CUEDC2: variants seen among roughly 807,000 people sequenced by gnomAD.
CUEDC2 encodes CUE domain-containing protein 2.
In CUEDC2, 10 loss-of-function variants were observed where a neutral mutation model predicts 36.0. The ratio of observed to expected loss-of-function variants is 0.28; its 90% CI spans 0.17 to 0.47. The LOEUF (loss-of-function observed/expected upper bound fraction) is 0.47. Ranked by LOEUF, CUEDC2 falls within the 20% of genes least tolerant of loss-of-function variation. CUEDC2 has a pLI of 0.99. For missense variants in CUEDC2, 269 were observed against 368.1 expected, an observed-to-expected ratio of 0.73 and a Z score of 2.20; for synonymous variants, 133 against 141.8, an observed-to-expected ratio of 0.94 and a Z score of 0.44.
rs769481024 is a variant in CUEDC2, at chr10:102,424,034, T to C, written c.556A>G (p.Lys186Glu). 2 of 1,613,966 alleles carry C rather than the reference T, an allele frequency of 1.2e-6. No individual in the cohort carries two copies. The highest frequency in any genetic ancestry group is 2.7e-5 in the African/African-American group (2 of 74,924). ...TCCCAGGCTGCAGGCCCCTCTTCCT[T>C]TCCCTCTACCAGCATCTGCACAGCT... is the stretch of plus-strand genomic sequence containing the variant. ...EEAVQMLVEGKEEGPAAWEGP... is the reference protein window; with the variant it reads ...EEAVQMLVEGEEEGPAAWEGP... The change falls in exon 6 of 9, where the codon AAG becomes GAG. Residue 186 changes from lysine (K) to glutamate (E), a missense_variant. Coordinates refer to ENST00000369937, the MANE Select transcript of CUEDC2 (RefSeq NM_024040.3). This position sits in a 1 kb window ranked among gnomAD's most constrained non-coding sequence, Gnocchi z 4.2.
chr10:102,430,229 C>T (rs1019209421), intron 1 of CUEDC2, among the ~76,000 whole-genome samples: 5 of 149,864 alleles, frequency 3.3e-5, no homozygotes, highest in Non-Finnish European at 7.4e-5. Flanking sequence ...AGTGCAATGG[C>T]GCGATCTTGG....
rs1328239910 is a variant in CUEDC2, at chr10:102,424,279, T to TGCA, written c.393_395dup (p.Ala132dup). The TGCA allele has an allele frequency of 6.2e-7, 1 of 1,613,698 alleles. No homozygotes were observed. The highest frequency in any genetic ancestry group is 1.3e-5 in the African/African-American group (1 of 74,900). On this transcript the variant is annotated inframe_insertion, in exon 5 of 9. Coordinates refer to ENST00000369937, the MANE Select transcript of CUEDC2 (RefSeq NM_024040.3). The surrounding 1 kb of genome is among the most constrained non-coding windows in gnomAD (Gnocchi z 4.2). Reference sequence around the variant, plus strand: ...CTACCAGTACCTCATCTTGGGTGTCTGCAGCAGCAGCAGCCGAAGACCTAG... The same window carrying TGCA: ...CTACCAGTACCTCATCTTGGGTGTCTGCAGCAGCAGCAGCAGCCGAAGACCTAG...
chr10:102,430,782 TG>T (rs1373706849), intron 1 of CUEDC2, among the ~76,000 whole-genome samples: 2 of 152,184 alleles, frequency 1.3e-5, no homozygotes, highest in African/African-American at 4.8e-5. Context: ...GCCCCTGAGT[TG>T]GGGAAGATCT....
chr10:102,424,620 TCCTC>T lies in CUEDC2; in HGVS notation c.218+25_218+28del. 1.2e-6 allele frequency: 2 copies of T among 1,614,068 alleles called. No homozygotes were observed. The stretch of plus-strand genomic sequence containing the variant: ...CCCACCCCATAATCAGCCAGCCCCT[TCCTC>T]CTCCTGGCCCTAGCCAGAACCTACC... On this transcript the variant is annotated intron_variant, in intron 3 of 8. Coordinates refer to ENST00000369937, the MANE Select transcript of CUEDC2 (RefSeq NM_024040.3). This position sits in a 1 kb window ranked among gnomAD's most constrained non-coding sequence, Gnocchi z 4.2.
intron 1 of CUEDC2, among the ~76,000 whole-genome samples, chr10:102,426,668 G>A (rs1030449471): frequency 6.6e-6 from 1 of 151,934 alleles, no homozygotes; most frequent in African/African-American, 2.4e-5. Flanking sequence ...GTCTGGCTCT[G>A]TCACCCAGGC....
chr10:102,432,080 C>A (rs2061618598), intron 1 of CUEDC2, among the ~76,000 whole-genome samples: 1 of 152,112 alleles, frequency 6.6e-6, no homozygotes, highest in Non-Finnish European at 1.5e-5. Context: ...GGCCCTGGAC[C>A]CATAACGCAG....
intron 1 of CUEDC2, among the ~76,000 whole-genome samples, chr10:102,429,652 C>G (rs1257864247): frequency 7.2e-6 from 1 of 138,688 alleles, no homozygotes; most frequent in African/African-American, 2.7e-5. Flanking sequence ...CAGAATGGCT[C>G]AGCCCAGGCA....
At chr10:102,431,977 G>A (rs563869491) in intron 1 of CUEDC2, among the ~76,000 whole-genome samples, 1 of 152,260 alleles carries the variant, frequency 6.6e-6, no homozygotes, top group African/African-American at 2.4e-5. Context: ...TAGTGTGAAA[G>A]GAGTCCTAGC....
At chr10:102,425,412 A>C (rs1161392026) in intron 1 of CUEDC2, among the ~76,000 whole-genome samples, 2 of 146,210 alleles carry the variant, frequency 1.4e-5, no homozygotes, top group East Asian at 2.1e-4. Context: ...GACAGCCTCT[A>C]GAGGAGGCGC....
chr10:102,431,480 A>G (rs1172748067), intron 1 of CUEDC2, among the ~76,000 whole-genome samples: 3 of 152,176 alleles, frequency 2.0e-5, no homozygotes, highest in African/African-American at 7.2e-5. Flanking sequence ...AAATGAAGGC[A>G]CTATGAGGTT....
chr10:102,423,729 T>C lies in CUEDC2; in HGVS notation c.657-12A>G. The C allele has an allele frequency of 6.2e-7, 1 of 1,614,142 alleles. No homozygotes were observed. The highest frequency in any genetic ancestry group is 1.1e-5 in the South Asian group (1 of 91,090). On this transcript the variant is annotated splice_polypyrimidine_tract_variant and intron_variant, in intron 7 of 8. Transcript: ENST00000369937. This position sits in a 1 kb window ranked among gnomAD's most constrained non-coding sequence, Gnocchi z 5.6. ...CCACCATCATGTACCTGTCAAAAAC[T>C]GGCTGGGTGAAGCTCCTGTCACCCT...
chr10:102,430,147 T>TTTTTTTTATTTATTTATTTA (rs369900351), intron 1 of CUEDC2, among the ~76,000 whole-genome samples: 1 of 120,470 alleles, frequency 8.3e-6, no homozygotes, highest in African/African-American at 3.3e-5. Flanking sequence ...TTTTTTTTAA[T>TTTTTTTTATTTATTTATTTA]TTTATTTATT....
chr10:102,431,610 G>A (rs2061616889), intron 1 of CUEDC2, among the ~76,000 whole-genome samples: 1 of 152,104 alleles, frequency 6.6e-6, no homozygotes, highest in Non-Finnish European at 1.5e-5. Flanking sequence ...CAAATTGTGT[G>A]GCCCCATCCT....
chr10:102,431,629 A>G (rs1376224473), intron 1 of CUEDC2, among the ~76,000 whole-genome samples: 1 of 152,054 alleles, frequency 6.6e-6, no homozygotes, highest in Non-Finnish European at 1.5e-5. Context: ...CTATATTCTG[A>G]ATCTCCTCTC....
intron 1 of CUEDC2, among the ~76,000 whole-genome samples, chr10:102,429,241 G>T (rs1242470484): frequency 1.3e-5 from 2 of 152,042 alleles, no homozygotes; most frequent in East Asian, 1.9e-4. Context: ...ATGAAGCAGG[G>T]ACTAAACACC....
Position 102,423,893 on chromosome 10 carries a change from G to A in CUEDC2, c.595-34C>T, listed in dbSNP as rs375489776. On this transcript the variant is annotated intron_variant, in intron 6 of 8. Transcript: ENST00000369937. This position sits in a 1 kb window ranked among gnomAD's most constrained non-coding sequence, Gnocchi z 5.6. Reference sequence around the variant, plus strand: ...AGGGGAGGCCTGGTCTAGGCCCAAGGGCACCAGCAGGGGAAACAGATGGGG... The same window carrying A: ...AGGGGAGGCCTGGTCTAGGCCCAAGAGCACCAGCAGGGGAAACAGATGGGG... The A allele has an allele frequency of 1.0e-5, 16 of 1,604,766 alleles. No individual in the cohort carries two copies. The highest frequency in any genetic ancestry group is 1.4e-5 in the Non-Finnish European group (16 of 1,175,460).
Position 102,423,420 on chromosome 10 carries a change from A to G in CUEDC2, c.*6T>C, listed in dbSNP as rs1324569886. ...TAGAAGGCTCGGGCAGAGTCCGGCGAGTGCCTCAATGGAAGCGGTACTTTC... is the reference window on the plus strand; with the variant it reads ...TAGAAGGCTCGGGCAGAGTCCGGCGGGTGCCTCAATGGAAGCGGTACTTTC... On this transcript the variant is annotated 3_prime_UTR_variant, in exon 9 of 9. Transcript: ENST00000369937. The surrounding 1 kb of genome is among the most constrained non-coding windows in gnomAD (Gnocchi z 5.6). The G allele has an allele frequency of 1.2e-6, 2 of 1,614,082 alleles. No individual in the cohort carries two copies. Among genetic ancestry groups the G allele is most frequent in the Non-Finnish European group, 1.7e-6 (2 of 1,180,044 alleles).
chr10:102,424,829 A>G lies in CUEDC2; in HGVS notation c.75-37T>C, dbSNP rs1397726692. 6.2e-7 allele frequency: 1 copy of G among 1,603,526 alleles called. No homozygotes were observed. The highest frequency in any genetic ancestry group is 8.5e-7 in the Non-Finnish European group (1 of 1,176,458). ...GAACAGGACAAGCCCTGGGTAGGACACTGGATGCCTCCAGCACCCCCACCT... is the reference window on the plus strand; with the variant it reads ...GAACAGGACAAGCCCTGGGTAGGACGCTGGATGCCTCCAGCACCCCCACCT... On this transcript the variant is annotated intron_variant, in intron 2 of 8. Transcript: ENST00000369937. This position sits in a 1 kb window ranked among gnomAD's most constrained non-coding sequence, Gnocchi z 4.2.
At position 102,424,242 on chromosome 10, in the gene CUEDC2, C is replaced by T. The variant is rs760001952; in HGVS notation, c.411+22G>A. 13 of 1,611,642 alleles carry T rather than the reference C, an allele frequency of 8.1e-6. No homozygotes were observed. In the East Asian group the frequency reaches 2.0e-4, roughly 25 times the overall value. On this transcript the variant is annotated intron_variant, in intron 5 of 8. Transcript: ENST00000369937. This position sits in a 1 kb window ranked among gnomAD's most constrained non-coding sequence, Gnocchi z 4.2. The stretch of plus-strand genomic sequence containing the variant: ...CTTTCCAGCCCCCTGGGTCCCTCAT[C>T]GGTACCCTCCTCTACCAGTACCTCA...
Sources: allele counts gnomAD v4.1 joint callset (sites outside exome capture counted in the v4.1 genomes callset), GRCh38; gene constraint gnomAD v4.1.1; non-coding constraint Gnocchi (gnomAD v3.1); transcripts MANE v1.5; gene names NCBI Gene and HGNC (gene_info 2026-07-23, HGNC 2026-07-21).